MIPOL1: variants seen among roughly 807,000 people sequenced by gnomAD.
MIPOL1 encodes mirror-image polydactyly gene 1 protein.
Under a neutral mutation model 60.9 loss-of-function variants are expected in MIPOL1, and 57 were observed. That is an observed-to-expected ratio of 0.94 (90% confidence interval 0.76 to 1.17). The LOEUF (loss-of-function observed/expected upper bound fraction) is 1.17. Ranked by LOEUF, MIPOL1 falls within the 50% of genes most tolerant of loss-of-function variation. MIPOL1 has a pLI of 0.00. For missense variants in MIPOL1, 551 were observed against 511.6 expected (o/e 1.08, Z -0.74); for synonymous variants, 179 against 168.8 (o/e 1.06, Z -0.47).
At chr14:37,306,468 G>A (rs547793291) in intron 7 of MIPOL1, among the ~76,000 whole-genome samples, 2 of 151,902 alleles carry the variant, frequency 1.3e-5, no homozygotes, top group African/African-American at 4.8e-5. Context: ...AATCATCAAG[G>A]TTAACAAGGT....
intron 9 of MIPOL1, among the ~76,000 whole-genome samples, chr14:37,347,754 A>G (rs1477728140): frequency 3.3e-5 from 5 of 152,240 alleles, no homozygotes; most frequent in Non-Finnish European, 5.9e-5. Flanking sequence ...GTTAACAACA[A>G]TCAATGCCAG....
chr14:37,369,518 G>A lies in MIPOL1; in HGVS notation c.830G>A (p.Cys277Tyr). The A allele has an allele frequency of 6.2e-7, 1 of 1,609,654 alleles. No homozygotes were observed. The highest frequency in any genetic ancestry group is 8.5e-7 in the Non-Finnish European group (1 of 1,177,150). ...AATGGGATTCTTCCCCTGTGGCAGT[G>A]CAAACGGTTAGAGCAGGAGCTTCAT... ...IEERDAALSKCKRLEQELHHV... is the reference protein window; with the variant it reads ...IEERDAALSKYKRLEQELHHV... Residue 277 changes from cysteine to tyrosine, a missense_variant and splice_region_variant, in exon 10 of 13, where the codon TGC becomes TAC. Physicochemically the swap from Cys to Tyr is radical, Grantham distance 194 (BLOSUM62 -2). Transcript: ENST00000684589.
chr14:37,412,948 G>A lies in MIPOL1; in HGVS notation c.937-9907G>A, dbSNP rs181376338. 1.3e-3 allele frequency among the ~76,000 whole-genome samples: 203 copies of A among 152,220 alleles called. 1 individual carries two copies. Among genetic ancestry groups the A allele is most frequent in the South Asian group, 2.5e-3 (12 of 4,826 alleles). On this transcript the variant is annotated intron_variant, in intron 10 of 12. Coordinates refer to ENST00000684589, the MANE Select transcript of MIPOL1 (RefSeq NM_001388067.1). ...AAATGGGGCTTGAAGGATTGATGTAGATTTGATAGCATGGCATAGATTTGG... is the reference window on the plus strand; with the variant it reads ...AAATGGGGCTTGAAGGATTGATGTAAATTTGATAGCATGGCATAGATTTGG...
rs528443998 is a variant in MIPOL1 at position 37,447,717 on chromosome 14, T to C, written c.1031+24768T>C. 2.0e-5 allele frequency among the ~76,000 whole-genome samples: 3 copies of C among 152,318 alleles called. No individual in the cohort carries two copies. In the East Asian group the frequency reaches 5.8e-4, roughly 29 times the overall value. On this transcript the variant is annotated intron_variant, in intron 11 of 12. Transcript: ENST00000684589. ...GAGGTAATTCAGTGCTATTTGTTGA[T>C]GGTGCTCATTTGCATTTTACTCCCA... is the stretch of plus-strand genomic sequence containing the variant.
At chr14:37,298,933 C>A (rs1206112573) in intron 7 of MIPOL1, among the ~76,000 whole-genome samples, 2 of 150,328 alleles carry the variant, frequency 1.3e-5, no homozygotes, top group Non-Finnish European at 3.0e-5. Context: ...TTTGACCCAG[C>A]CATCCCATTA....
chr14:37,440,884 T>C (rs549922083), intron 11 of MIPOL1, among the ~76,000 whole-genome samples: 4 of 152,264 alleles, frequency 2.6e-5, no homozygotes, highest in African/African-American at 4.8e-5. Flanking sequence ...CCACCAATAG[T>C]ATATGAGTTC....
intron 1 of MIPOL1, among the ~76,000 whole-genome samples, chr14:37,236,073 C>T (rs898091358): frequency 2.0e-5 from 3 of 150,926 alleles, no homozygotes; most frequent in Non-Finnish European, 4.4e-5. Context: ...ATTACAGGCG[C>T]ATGCCACCAT....
intron 11 of MIPOL1, among the ~76,000 whole-genome samples, chr14:37,442,564 G>GT (rs1426356002): frequency 1.3e-5 from 2 of 151,692 alleles, no homozygotes; most frequent in East Asian, 1.9e-4. Context: ...GTTTGTTAAG[G>GT]TTTTTTATCC....
At chr14:37,461,082 G>A (rs1051459763) in intron 11 of MIPOL1, among the ~76,000 whole-genome samples, 2 of 152,254 alleles carry the variant, frequency 1.3e-5, no homozygotes, top group South Asian at 4.1e-4. Flanking sequence ...GCTGGTGGAG[G>A]CATCACATTA....
chr14:37,487,554 G>T (rs2094969129), intron 11 of MIPOL1, among the ~76,000 whole-genome samples: 1 of 152,136 alleles, frequency 6.6e-6, no homozygotes, highest in East Asian at 1.9e-4. Flanking sequence ...CTTCTTCCTG[G>T]TTTAGACTTG....
At position 37,491,109 on chromosome 14, in the gene MIPOL1, C is replaced by T. The variant is rs1261079611; in HGVS notation, c.1032-8799C>T. ...TACAGTGGTATATAAATATAAGTGGCTTTGTGAGTATAATGTCCTACCACT... is the reference window on the plus strand; with the variant it reads ...TACAGTGGTATATAAATATAAGTGGTTTTGTGAGTATAATGTCCTACCACT... On this transcript the variant is annotated intron_variant, in intron 11 of 12. Coordinates refer to ENST00000684589, the MANE Select transcript of MIPOL1 (RefSeq NM_001388067.1). Among the ~76,000 whole-genome samples the T allele has an allele frequency of 2.0e-5, 3 of 152,092 alleles. No homozygotes were observed. In the South Asian group the frequency reaches 6.2e-4, roughly 32 times the overall value.
At position 37,268,764 on chromosome 14, in the gene MIPOL1, T is replaced by C. The variant is rs776297086; in HGVS notation, c.358T>C (p.Leu120=). The change falls in exon 5 of 13, where the codon TTG becomes CTG. Residue 120 remains leucine, a synonymous_variant. Transcript: ENST00000684589. ...EKTIAFLLKE[L]DILRTSNKKL... ...GACAATAGCATTTCTTCTAAAAGAA[T>C]TGGATATTCTCAGAACAAGCAATAA... 11 of 1,593,664 alleles carry C rather than the reference T, an allele frequency of 6.9e-6. No individual in the cohort carries two copies. The highest frequency in any genetic ancestry group is 2.3e-5 in the East Asian group (1 of 44,216).
intron 11 of MIPOL1, among the ~76,000 whole-genome samples, chr14:37,473,186 G>C (rs182328240): frequency 3.9e-4 from 60 of 151,996 alleles, no homozygotes; most frequent in African/African-American, 1.4e-3. Context: ...GTTCTTTCTC[G>C]ATTAAAGATA....
At chr14:37,325,779 C>G (rs967011616) in intron 9 of MIPOL1, among the ~76,000 whole-genome samples, 1 of 152,082 alleles carries the variant, frequency 6.6e-6, no homozygotes, top group Non-Finnish European at 1.5e-5. Flanking sequence ...TATATTCCTC[C>G]TTACCCCCAT....
At chr14:37,503,874 G>T (rs2208211) in intron 12 of MIPOL1, 111,186 of 152,066 alleles carry the variant, frequency 0.73, 40,805 homozygotes, top group East Asian at 0.85. Flanking sequence ...CTTACATGCA[G>T]AGGCACAAAT....
chr14:37,478,155 C>T (rs111302094), intron 11 of MIPOL1, among the ~76,000 whole-genome samples: 2,488 of 152,142 alleles, frequency 0.016, 60 homozygotes, highest in African/African-American at 0.056. Context: ...ATTGAAATTC[C>T]GTGCTTAAAG....
intron 1 of MIPOL1, among the ~76,000 whole-genome samples, chr14:37,246,034 T>C (rs539141781): frequency 2.3e-4 from 35 of 152,278 alleles, no homozygotes; most frequent in Middle Eastern, 6.8e-3. Context: ...ACAGTTATGA[T>C]AGTACTCAGG....
chr14:37,499,710 TTGTC>T (rs946313726), intron 11 of MIPOL1, among the ~76,000 whole-genome samples, 194 bp from the exon 12 acceptor site: 58 of 152,182 alleles, frequency 3.8e-4, no homozygotes, highest in African/African-American at 1.3e-3. Context: ...GCATAATCAT[TTGTC>T]TGGGTAGCTT....
intron 10 of MIPOL1, among the ~76,000 whole-genome samples, chr14:37,403,157 A>C (rs1657462398): frequency 6.6e-6 from 1 of 152,172 alleles, no homozygotes; most frequent in South Asian, 2.1e-4. Context: ...ATCACAGAAT[A>C]ATTATATGGC....
Sources: gnomAD v4.1 joint callset for allele counts (sites outside exome capture counted in the v4.1 genomes callset) on GRCh38, gnomAD v4.1.1 for gene constraint, MANE v1.5 for transcripts, NCBI Gene and HGNC (gene_info 2026-07-23, HGNC 2026-07-21) for gene names.